The following DIP2A variants were observed in gnomAD, a reference collection of about 807,000 sequenced individuals.
DIP2A encodes the protein disco-interacting protein 2 homolog A.
Under a neutral mutation model 177.4 loss-of-function variants are expected in DIP2A, and 85 were observed. The ratio of observed to expected loss-of-function variants is 0.48; its 90% CI spans 0.40 to 0.57. The LOEUF (loss-of-function observed/expected upper bound fraction) is 0.57, where lower values mean the gene tolerates loss of function less well. DIP2A is among the 20% of genes least tolerant of loss of function. DIP2A has a pLI of 0.00. For synonymous variants in DIP2A, 886 were observed against 881.8 expected (o/e 1.00, Z -0.08); for missense variants, 1,791 against 2,100.2 (o/e 0.85, Z 2.88).
the DIP2A span, among the ~76,000 whole-genome samples, chr21:46,577,626 T>C: frequency 6.6e-6 from 1 of 152,030 alleles, no homozygotes; most frequent in Non-Finnish European, 1.5e-5. Context: ...TTTTTTTTGG[T>C]ATCATATCAA....
At chr21:46,534,772 C>A in intron 13 of DIP2A, 85 bp downstream of exon 13, 1 of 1,179,932 alleles carries the variant, frequency 8.5e-7, no homozygotes, top group Non-Finnish European at 1.2e-6. Context: ...GTCACTGCAC[C>A]TGTCAAAACC....
At chr21:46,486,414 G>A (rs1383281111) in intron 2 of DIP2A, among the ~76,000 whole-genome samples, 1 of 152,130 alleles carries the variant, frequency 6.6e-6, no homozygotes, top group Non-Finnish European at 1.5e-5. Flanking sequence ...GACTGGTCTT[G>A]AACTTCTGAC....
chr21:46,472,706 G>T (rs903867664), intron 1 of DIP2A, among the ~76,000 whole-genome samples: 2 of 152,200 alleles, frequency 1.3e-5, no homozygotes, highest in African/African-American at 2.4e-5. Context: ...CTAACTTACA[G>T]CAGGGCTCAC....
At position 46,556,022 on chromosome 21, in the gene DIP2A, C is replaced by G; in HGVS notation, c.3429C>G (p.Pro1143=). The G allele has an allele frequency of 6.2e-7, 1 of 1,613,924 alleles. No individual in the cohort carries two copies. The change falls in exon 29 of 38, where the codon CCC becomes CCG. Residue 1143 remains proline, a synonymous_variant. Coordinates refer to ENST00000417564, the MANE Select transcript of DIP2A (RefSeq NM_015151.4). The surrounding 1 kb of genome is among the most constrained non-coding windows in gnomAD (Gnocchi z 4.5). ...AGAAGATAGCAAGCGTTTTCAGGCC[C>G]CCCTCCCCCGATGTCCTCGCATACT... is the stretch of plus-strand genomic sequence containing the variant. ...PKKKIASVFR[P]PSPDVLAYLD... is the part of the protein sequence containing the mutation.
intron 25 of DIP2A, among the ~76,000 whole-genome samples, chr21:46,552,624 T>C (rs2060313806): frequency 6.6e-6 from 1 of 152,224 alleles, no homozygotes; most frequent in Non-Finnish European, 1.5e-5. Flanking sequence ...TAGCTCTTGG[T>C]GCTGCTCATT....
intron 1 of DIP2A, among the ~76,000 whole-genome samples, chr21:46,466,260 T>G (rs867935311): frequency 1.2e-4 from 18 of 152,130 alleles, no homozygotes; most frequent in Middle Eastern, 3.4e-3. Flanking sequence ...GGGTAAAAGA[T>G]TCATTCAAAA....
chr21:46,528,279 C>A (rs1402126213), intron 8 of DIP2A, among the ~76,000 whole-genome samples: 1 of 151,922 alleles, frequency 6.6e-6, no homozygotes, highest in Non-Finnish European at 1.5e-5. Context: ...AAAGATATGA[C>A]CCATTTCATG....
chr21:46,550,018 A>T, intron 22 of DIP2A, 133 bp downstream of exon 22: 1 of 1,497,576 alleles, frequency 6.7e-7, no homozygotes, highest in Non-Finnish European at 8.9e-7. Flanking sequence ...TGTATTTTTC[A>T]TTGCAAATTG....
At position 46,545,247 on chromosome 21, in the gene DIP2A, C is replaced by G; in HGVS notation, c.2287C>G (p.Leu763Val). 1 of 1,599,506 alleles carries G rather than the reference C, an allele frequency of 6.3e-7. No homozygotes were observed. Among genetic ancestry groups the G allele is most frequent in the Non-Finnish European group, 8.6e-7 (1 of 1,169,520 alleles). Residue 763 changes from leucine to valine, a missense_variant, in exon 19 of 38, where the codon CTT (leucine) becomes GTT (valine). Coordinates refer to ENST00000417564, the MANE Select transcript of DIP2A (RefSeq NM_015151.4). Reference sequence around the variant, plus strand: ...AACTGGCACAGCGTACTATGGATTGCTTGGAATCACGAAGAATGTGTTTGA... The same window carrying G: ...AACTGGCACAGCGTACTATGGATTGGTTGGAATCACGAAGAATGTGTTTGA... ...SATGTAYYGL[L>V]GITKNVFEAV...
At chr21:46,497,496 A>C (rs1398446153) in intron 4 of DIP2A, among the ~76,000 whole-genome samples, 7 of 152,238 alleles carry the variant, frequency 4.6e-5, no homozygotes, top group Admixed American at 4.6e-4. Flanking sequence ...AACAGGTTGT[A>C]ACCAGGACTT....
rs2148777751 is a variant in DIP2A at position 46,535,159 on chromosome 21, A to C, written c.1642+472A>C. Among the ~76,000 whole-genome samples, 2 of 152,340 alleles carry C rather than the reference A, an allele frequency of 1.3e-5. 1 individual carries two copies. The highest frequency in any genetic ancestry group is 6.8e-3 in the Middle Eastern group (2 of 294). ...TTGACCTCAGCTGTCATGGATATAA[A>C]TATATAAGTAGAATCTTTATGGTTA... On this transcript the variant is annotated intron_variant, in intron 13 of 37. Transcript: ENST00000417564.
intron 16 of DIP2A, 91 bp downstream of exon 16, chr21:46,538,693 T>C: frequency 6.7e-7 from 1 of 1,484,758 alleles, no homozygotes. Context: ...AATGGAGGCA[T>C]TTTCACTGCC....
At chr21:46,474,744 A>G (rs1007613760) in intron 1 of DIP2A, among the ~76,000 whole-genome samples, 3 of 152,142 alleles carry the variant, frequency 2.0e-5, no homozygotes, top group African/African-American at 7.2e-5. Flanking sequence ...CAGCCTCCCA[A>G]GTAGCTGGAA....
At chr21:46,492,463 T>C (rs1222336428) in intron 3 of DIP2A, among the ~76,000 whole-genome samples, 1 of 152,234 alleles carries the variant, frequency 6.6e-6, no homozygotes, top group Non-Finnish European at 1.5e-5. Flanking sequence ...TTCTGTTGTA[T>C]CTAATGTGTC....
At position 46,498,780 on chromosome 21, in the gene DIP2A, CG is replaced by C. The variant is rs1204004176; in HGVS notation, c.607del (p.Ala203ProfsTer16). The C allele has an allele frequency of 1.9e-6, 3 of 1,611,758 alleles. No individual in the cohort carries two copies. Among genetic ancestry groups the C allele is most frequent in the African/African-American group, 2.7e-5 (2 of 74,912 alleles). ...ACTGCTCCCAGTGCTGCAGCCACGCCGGGGGCCGCCGCTACCACTGCACTCG... is the reference window on the plus strand; with the variant it reads ...ACTGCTCCCAGTGCTGCAGCCACGCCGGGGCCGCCGCTACCACTGCACTCG... ...PTTAPSAAAT[P>X]GAAATTALAG... is the part of the protein sequence containing the mutation. On this transcript the variant is annotated frameshift_variant, in exon 5 of 38. Coordinates refer to ENST00000417564, the MANE Select transcript of DIP2A (RefSeq NM_015151.4). LOFTEE classifies it high-confidence loss of function. This position sits in a 1 kb window ranked among gnomAD's most constrained non-coding sequence, Gnocchi z 4.3.
At chr21:46,507,386 GC>G (rs2058065583) in intron 6 of DIP2A, among the ~76,000 whole-genome samples, 1 of 152,122 alleles carries the variant, frequency 6.6e-6, no homozygotes, top group South Asian at 2.1e-4. Context: ...GTTAATTTTA[GC>G]CTAAGTATCA....
intron 17 of DIP2A, 29 bp from the exon 18 acceptor site, chr21:46,541,727 G>T: frequency 1.2e-6 from 2 of 1,613,480 alleles, no homozygotes; most frequent in Non-Finnish European, 1.7e-6. Context: ...CCCCTCGTCA[G>T]TTAAACCCAT....
Position 46,464,380 on chromosome 21 carries a change from C to T in DIP2A, c.91+5158C>T, listed in dbSNP as rs528769297. ...TGCACTCCAGCCTGGGCAACAAGAG[C>T]GAAACTTCGTCTCAAAAAAAGAAAA... On this transcript the variant is annotated intron_variant, in intron 1 of 37. Coordinates refer to ENST00000417564, the MANE Select transcript of DIP2A (RefSeq NM_015151.4). Among the ~76,000 whole-genome samples, 4 of 152,050 alleles carry T rather than the reference C, an allele frequency of 2.6e-5. No individual in the cohort carries two copies. In the South Asian group the frequency reaches 6.2e-4, roughly 24 times the overall value.
At chr21:46,518,912 A>G (rs2148673029) in intron 8 of DIP2A, among the ~76,000 whole-genome samples, 1 of 152,348 alleles carries the variant, frequency 6.6e-6, no homozygotes, top group Non-Finnish European at 1.5e-5. Context: ...AAAGGAATAA[A>G]AGAATGGCTA....
Sources: allele counts gnomAD v4.1 joint callset (sites outside exome capture counted in the v4.1 genomes callset), GRCh38; gene constraint gnomAD v4.1.1; non-coding constraint Gnocchi (gnomAD v3.1); transcripts MANE v1.5; gene names NCBI Gene and HGNC (gene_info 2026-07-23, HGNC 2026-07-21).